The following IFT140 variants were observed in gnomAD, a reference collection of about 807,000 sequenced individuals.
IFT140 encodes intraflagellar transport 140, also known as intraflagellar transport protein 140 homolog.
Under a neutral mutation model 164.6 loss-of-function variants are expected in IFT140, and 133 were observed. The observed-to-expected ratio is 0.81, with a 90% CI of 0.70 to 0.93. The LOEUF (loss-of-function observed/expected upper bound fraction) is 0.93, where lower values mean the gene tolerates loss of function less well. IFT140 is among the 40% of genes least tolerant of loss of function. The probability of loss-of-function intolerance (pLI) is 0.00; values close to 1 mark genes in which losing one functional copy is unlikely to be tolerated. For synonymous variants in IFT140, 860 were observed against 817.3 expected (o/e 1.05, Z -0.89); for missense variants, 2,045 against 1,972.3 (o/e 1.04, Z -0.70).
rs2030428181 is a variant in IFT140, at chr16:1,531,030, C to G, written c.2400-4234G>C. The G allele has an allele frequency of 6.6e-6, 1 of 152,202 alleles. No homozygotes were observed. Among genetic ancestry groups the G allele is most frequent in the Admixed American group, 6.5e-5 (1 of 15,278 alleles). The allele number at this position is 152,202 out of a possible 1,614,324, so 9.4% of individuals were successfully genotyped here. A position where few individuals can be genotyped will look rare whatever the true frequency, so the allele number is the denominator to read the frequency against. ...AGACCCAGGCGCTCTCTGCAAGCTC[C>G]TTCCACAGCCAGCCTCCTGCTCGAG... On this transcript the variant is annotated intron_variant, in intron 19 of 30. Transcript: ENST00000426508. This position sits in a 1 kb window ranked among gnomAD's most constrained non-coding sequence, Gnocchi z 4.7.
intron 6 of IFT140, 87 bp from the exon 7 acceptor site, chr16:1,589,867 A>C (rs1197446447): frequency 8.0e-7 from 1 of 1,250,156 alleles, no homozygotes; most frequent in East Asian, 2.4e-5. Flanking sequence ...CTATCAACTT[A>C]AGGACATTTT....
rs1361105732 is a variant in IFT140 at position 1,523,680 on chromosome 16, G to C, written c.3291C>G (p.Ala1097=). 6.2e-7 allele frequency: 1 copy of C among 1,613,748 alleles called. No homozygotes were observed. Among genetic ancestry groups the C allele is most frequent in the Admixed American group, 1.7e-5 (1 of 60,026 alleles). Residue 1097 remains alanine (A), a synonymous_variant, in exon 26 of 31, where the codon GCC becomes GCG. Coordinates refer to ENST00000426508, the MANE Select transcript of IFT140 (RefSeq NM_014714.4). ...LYHKAGHFSK[A]LELAFATQQF... is the part of the protein sequence containing the mutation. ...GCTGGGTGGCAAAGGCCAGCTCCAGGGCCTTGGAGAAGTGGCCAGCCTGCG... is the reference window on the plus strand; with the variant it reads ...GCTGGGTGGCAAAGGCCAGCTCCAGCGCCTTGGAGAAGTGGCCAGCCTGCG...
chr16:1,564,065 G>C lies in IFT140; in HGVS notation c.1999C>G (p.Gln667Glu), dbSNP rs753128503. Residue 667 changes from glutamine to glutamate, a missense_variant, in exon 17 of 31, where the codon CAG (glutamine) becomes GAG (glutamate). Gln to Glu is a conservative substitution (Grantham distance 29). Transcript: ENST00000426508. This position sits in a 1 kb window ranked among gnomAD's most constrained non-coding sequence, Gnocchi z 5.5. Reference sequence around the variant, plus strand: ...TGAGGCTGGGAGCGCGGCGTCTCCTGCACGGCTTCGCATACAAACAGCCGG... The same window carrying C: ...TGAGGCTGGGAGCGCGGCGTCTCCTCCACGGCTTCGCATACAAACAGCCGG... ...EPRLFVCEAV[Q>E]ETPRSQPQSA... 5.6e-6 allele frequency: 9 copies of C among 1,604,754 alleles called. No individual in the cohort carries two copies. In the Admixed American group the frequency reaches 6.7e-5, roughly 12 times the overall value.
intron 19 of IFT140, chr16:1,555,460 TTGAG>T (rs2033016651): frequency 5.5e-6 from 1 of 182,580 alleles, no homozygotes. Flanking sequence ...ACAATATTCC[TTGAG>T]TGAGTCAGAA....
At chr16:1,532,239 G>C (rs1445477612) in intron 19 of IFT140, 1 of 152,288 alleles carries the variant, frequency 6.6e-6, no homozygotes, top group Non-Finnish European at 1.5e-5. Context: ...AACAGAAATA[G>C]AAACAGCAGC....
intron 19 of IFT140, among the ~76,000 whole-genome samples, chr16:1,535,015 G>C (rs2030923693): frequency 1.3e-5 from 2 of 152,040 alleles, no homozygotes; most frequent in Admixed American, 6.5e-5. Flanking sequence ...GACGAACCTA[G>C]CCTACATAGC....
intron 29 of IFT140, 88 bp from the exon 30 acceptor site, chr16:1,518,445 G>A (rs2040428127): frequency 1.5e-6 from 2 of 1,310,250 alleles, no homozygotes; most frequent in Non-Finnish European, 2.0e-6. Context: ...GCCTGTAAGA[G>A]GAGCTCTCCG....
At chr16:1,534,587 C>T (rs142569689) in intron 19 of IFT140, 91 of 1,596,570 alleles carry the variant, frequency 5.7e-5, no homozygotes, top group African/African-American at 1.1e-4. Flanking sequence ...ATGCCTTCAG[C>T]GTGGCCGAGG....
rs920978462 is a variant in IFT140 at position 1,587,388 on chromosome 16, C to T, written c.903-84G>A. 7 of 815,838 alleles carry T rather than the reference C, an allele frequency of 8.6e-6. No individual in the cohort carries two copies. The African/African-American group carries it at 1.0e-4, about 12-fold the overall frequency. The allele number at this position is 815,838 out of a possible 1,614,324, so 50.5% of individuals were successfully genotyped here. On this transcript the variant is annotated intron_variant, in intron 8 of 30. Transcript: ENST00000426508. ...GGGGTTTTTGAACCTGTGGAGCAAA[C>T]ATTAAAAGTCAGGAAAAAGACATAG... is the stretch of plus-strand genomic sequence containing the variant.
intron 19 of IFT140, among the ~76,000 whole-genome samples, chr16:1,550,501 G>A (rs944361711): frequency 7.9e-5 from 12 of 152,252 alleles, no homozygotes; most frequent in African/African-American, 2.9e-4. Context: ...AGGAAGCAGC[G>A]TGTGATGCTG....
At chr16:1,527,575 G>A (rs1596308195) in intron 19 of IFT140, among the ~76,000 whole-genome samples, 2 of 152,138 alleles carry the variant, frequency 1.3e-5, no homozygotes, top group Admixed American at 6.5e-5. Flanking sequence ...GCCTCTTAGG[G>A]TTTTTTTGTT....
chr16:1,526,455 A>T, intron 20 of IFT140, 164 bp downstream of exon 20: 3 of 765,914 alleles, frequency 3.9e-6, no homozygotes, highest in Non-Finnish European at 6.0e-6. Context: ...CACCCACCTC[A>T]CCTCCACCGC....
intron 18 of IFT140, among the ~76,000 whole-genome samples, chr16:1,561,128 A>C (rs1009648213): frequency 1.4e-4 from 22 of 152,210 alleles, no homozygotes; most frequent in African/African-American, 5.3e-4. Context: ...GTGACTCGGG[A>C]TGCTCCCAGA....
intron 13 of IFT140, 103 bp downstream of exon 13, chr16:1,580,655 AG>A: frequency 1.3e-6 from 1 of 755,904 alleles, no homozygotes; most frequent in Non-Finnish European, 2.3e-6. Flanking sequence ...AGTGTGAGAA[AG>A]GACTAATAAC....
chr16:1,552,139 C>T (rs1352631839), intron 19 of IFT140, among the ~76,000 whole-genome samples: 2 of 152,156 alleles, frequency 1.3e-5, no homozygotes, highest in South Asian at 2.1e-4. Flanking sequence ...ATTTTAAACA[C>T]GTTTCTGTAA....
chr16:1,534,155 C>T (rs1294681559), intron 19 of IFT140: 12 of 1,314,634 alleles, frequency 9.1e-6, no homozygotes, highest in South Asian at 1.4e-5. Context: ...CCGCCCGCGC[C>T]GCCCCGAGGA....
intron 30 of IFT140, 55 bp downstream of exon 30, chr16:1,518,161 G>A (rs758897587): frequency 1.5e-5 from 23 of 1,581,490 alleles, no homozygotes; most frequent in South Asian, 3.4e-5. Flanking sequence ...TTAAGCCTTC[G>A]TTTCAGGAGC....
intron 30 of IFT140, among the ~76,000 whole-genome samples, chr16:1,515,832 A>C (rs2040318697): frequency 6.6e-6 from 1 of 152,228 alleles, no homozygotes; most frequent in Non-Finnish European, 1.5e-5. Flanking sequence ...CTCAGGCTGA[A>C]GAGGAGTGAT....
intron 12 of IFT140, 139 bp from the exon 13 acceptor site, chr16:1,580,989 G>A (rs1017740495): frequency 4.9e-6 from 3 of 615,270 alleles, no homozygotes; most frequent in Non-Finnish European, 8.7e-6. Flanking sequence ...TCTGCACCTC[G>A]CAGATGAAGA....
Sources: gnomAD v4.1 joint callset for allele counts (sites outside exome capture counted in the v4.1 genomes callset) on GRCh38, gnomAD v4.1.1 for gene constraint, Gnocchi (gnomAD v3.1) non-coding constraint, MANE v1.5 for transcripts, NCBI Gene and HGNC (gene_info 2026-07-23, HGNC 2026-07-21) for gene names.